Variants in SAMMSON observed in about 807,000 individuals in gnomAD.
The protein encoded by SAMMSON is long intergenic non-protein coding RNA 1212.
intron 7 of SAMMSON, among the ~76,000 whole-genome samples, chr3:70,306,898 G>A (rs1360415577): frequency 6.6e-6 from 1 of 151,992 alleles, no homozygotes; most frequent in Non-Finnish European, 1.5e-5. Context: ...AAATATGTAT[G>A]TATATGCATA....
intron 4 of SAMMSON, among the ~76,000 whole-genome samples, chr3:70,119,564 T>C (rs1032216473): frequency 6.6e-6 from 1 of 152,182 alleles, no homozygotes; most frequent in Non-Finnish European, 1.5e-5. Context: ...GTGAGTCCAT[T>C]GAGCAACATG....
intron 3 of SAMMSON, among the ~76,000 whole-genome samples, chr3:70,059,475 G>A (rs1416196856): frequency 6.6e-6 from 1 of 152,056 alleles, no homozygotes; most frequent in Non-Finnish European, 1.5e-5. Context: ...CAAAGACAGA[G>A]AACCAGGGGG....
chr3:70,272,101 A>G (rs1701981306), intron 6 of SAMMSON: 1 of 152,244 alleles, frequency 6.6e-6, no homozygotes, highest in African/African-American at 2.4e-5. Context: ...AACAATCCCC[A>G]AATATCACAT....
chr3:70,245,691 ATATAT>A (rs1701700422), intron 4 of SAMMSON, among the ~76,000 whole-genome samples: 1 of 135,322 alleles, frequency 7.4e-6, no homozygotes, highest in African/African-American at 2.7e-5. Flanking sequence ...ATATATATAT[ATATAT>A]ATATATATAT....
At chr3:70,406,799 T>A (rs967643127) in intron 2 of SAMMSON, among the ~76,000 whole-genome samples, 10 of 151,968 alleles carry the variant, frequency 6.6e-5, no homozygotes, top group African/African-American at 2.4e-4. Flanking sequence ...GTAAAAGAGG[T>A]AAAAGAGAGA....
chr3:70,054,948 AT>A (rs2067161594), intron 3 of SAMMSON, among the ~76,000 whole-genome samples: 1 of 152,152 alleles, frequency 6.6e-6, no homozygotes, highest in Non-Finnish European at 1.5e-5. Context: ...AAAATTTCTA[AT>A]TTTTAAAAAC....
At chr3:70,366,501 T>TTTC (rs1029626594) in intron 9 of SAMMSON, among the ~76,000 whole-genome samples, 1 of 149,556 alleles carries the variant, frequency 6.7e-6, no homozygotes, top group African/African-American at 2.4e-5. Context: ...TGTTTTTTTT[T>TTTC]TTTTTTTGCC....
chr3:70,432,226 A>G (rs2111583), intron 2 of SAMMSON, among the ~76,000 whole-genome samples: 68,479 of 151,400 alleles, frequency 0.45, 15,801 homozygotes, highest in African/African-American at 0.53. Context: ...AGCCTTTCTT[A>G]TGGATGTGAA....
chr3:70,302,266 T>G (rs949320100), intron 7 of SAMMSON, among the ~76,000 whole-genome samples: 5 of 152,154 alleles, frequency 3.3e-5, no homozygotes, highest in Non-Finnish European at 7.4e-5. Flanking sequence ...TCTTTTATTT[T>G]TTTTTACTAA....
intron 7 of SAMMSON, among the ~76,000 whole-genome samples, chr3:70,351,943 T>C (rs970063996): frequency 1.3e-5 from 2 of 151,984 alleles, no homozygotes; most frequent in Non-Finnish European, 2.9e-5. Context: ...TGATTTCATC[T>C]GAACAACAGA....
chr3:70,061,539 C>A (rs1167227754), intron 3 of SAMMSON, among the ~76,000 whole-genome samples: 1 of 152,104 alleles, frequency 6.6e-6, no homozygotes, highest in Non-Finnish European at 1.5e-5. Flanking sequence ...TGGGCAAAGC[C>A]TGAGCTGAGG....
chr3:70,143,720 T>A (rs1156705537), intron 4 of SAMMSON, among the ~76,000 whole-genome samples: 1 of 152,128 alleles, frequency 6.6e-6, no homozygotes, highest in Non-Finnish European at 1.5e-5. Flanking sequence ...GTCCTTCAAG[T>A]CAAAGAGTGA....
intron 3 of SAMMSON, among the ~76,000 whole-genome samples, chr3:70,070,715 T>C (rs2067226389): frequency 6.6e-6 from 1 of 152,066 alleles, no homozygotes; most frequent in Non-Finnish European, 1.5e-5. Context: ...ATGGCAGTGA[T>C]AGGCTCTTGA....
At chr3:70,015,892 C>T (rs2066982882) in intron 3 of SAMMSON, among the ~76,000 whole-genome samples, 1 of 152,114 alleles carries the variant, frequency 6.6e-6, no homozygotes, top group Non-Finnish European at 1.5e-5. Flanking sequence ...AGGACATGAA[C>T]TCATCGTTTT....
At chr3:70,006,374 C>A (rs1227827903) in intron 1 of SAMMSON, among the ~76,000 whole-genome samples, 1 of 152,134 alleles carries the variant, frequency 6.6e-6, no homozygotes, top group Non-Finnish European at 1.5e-5. Flanking sequence ...GTATTAAGGG[C>A]CCGCCCTTCC....
At chr3:70,267,968 C>T (rs969320924) in intron 6 of SAMMSON, among the ~76,000 whole-genome samples, 1 of 150,990 alleles carries the variant, frequency 6.6e-6, no homozygotes, top group African/African-American at 2.4e-5. Context: ...CCTTTCCTTT[C>T]GCCTCCCCTT....
At chr3:70,409,164 C>A (rs1195408264) in intron 2 of SAMMSON, among the ~76,000 whole-genome samples, 2 of 152,080 alleles carry the variant, frequency 1.3e-5, no homozygotes, top group African/African-American at 4.8e-5. Context: ...GGGACATAGC[C>A]AAACTATACC....
intron 2 of SAMMSON, among the ~76,000 whole-genome samples, chr3:70,427,687 G>A (rs575024645): frequency 1.3e-5 from 2 of 148,582 alleles, no homozygotes; most frequent in African/African-American, 5.0e-5. Context: ...GCAGTGAGTC[G>A]AGATCGCGCC....
intron 6 of SAMMSON, among the ~76,000 whole-genome samples, chr3:70,275,208 T>C (rs1243667391): frequency 1.3e-5 from 2 of 152,194 alleles, no homozygotes; most frequent in African/African-American, 4.8e-5. Flanking sequence ...TGCTTCTGAA[T>C]AGCATTCATG....
Sources: gnomAD v4.1 joint callset for allele counts (sites outside exome capture counted in the v4.1 genomes callset) on GRCh38, gnomAD v4.1.1 for gene constraint, MANE v1.5 for transcripts, NCBI Gene and HGNC (gene_info 2026-07-23, HGNC 2026-07-21) for gene names.